MMD: variants seen among roughly 807,000 people sequenced by gnomAD.
The protein encoded by MMD is monocyte to macrophage differentiation associated.
A neutral mutation model predicts 33.6 loss-of-function variants in MMD; 22 were observed. That is an observed-to-expected ratio of 0.66 (90% CI 0.47 to 0.94). The LOEUF is 0.94. MMD is among the 40% of genes least tolerant of loss of function. The pLI, the probability that MMD is intolerant of heterozygous loss-of-function variation, is 0.00. For missense variants in MMD, 242 were observed against 309.8 expected, an observed-to-expected ratio of 0.78 and a Z score of 1.64; for synonymous variants, 97 against 103.2, an observed-to-expected ratio of 0.94 and a Z score of 0.36.
chr17:55,417,058 G>C (rs551346738), intron 1 of MMD, among the ~76,000 whole-genome samples: 91 of 152,160 alleles, frequency 6.0e-4, no homozygotes, highest in African/African-American at 2.0e-3. Context: ...GAACAGATCA[G>C]AGACCTGGGA....
intron 6 of MMD, among the ~76,000 whole-genome samples, chr17:55,398,945 G>A (rs1012121709): frequency 4.6e-5 from 7 of 152,122 alleles, no homozygotes; most frequent in South Asian, 2.1e-4. Flanking sequence ...GTTTTGGCCC[G>A]TACAACATTC....
At chr17:55,404,296 AG>A (rs1236030331) in intron 4 of MMD, among the ~76,000 whole-genome samples, 1 of 152,108 alleles carries the variant, frequency 6.6e-6, no homozygotes, top group East Asian at 1.9e-4. Flanking sequence ...CAGAGGTTGC[AG>A]TGAGCTGAGA....
chr17:55,394,472 C>A lies in MMD; in HGVS notation c.579G>T (p.Val193=). Reference sequence around the variant, plus strand: ...GAATGATGCCATCACTCTTGAAGAACACAACTCCCAAGCAATAAATTAAGC... The same window carrying A: ...GAATGATGCCATCACTCTTGAAGAAAACAACTCCCAAGCAATAAATTAAGC... ...CGGLIYCLGV[V]FFKSDGIIPF... The change falls in exon 7 of 7, where the codon GTG becomes GTT. Residue 193 remains valine (V), a synonymous_variant. Coordinates refer to ENST00000262065, the MANE Select transcript of MMD (RefSeq NM_012329.3). 1 of 1,545,588 alleles carries A rather than the reference C, an allele frequency of 6.5e-7. No individual in the cohort carries two copies. Among genetic ancestry groups the A allele is most frequent in the Non-Finnish European group, 8.7e-7 (1 of 1,150,292 alleles).
chr17:55,414,486 A>C (rs1377191243), intron 1 of MMD, among the ~76,000 whole-genome samples: 1 of 151,372 alleles, frequency 6.6e-6, no homozygotes, highest in Non-Finnish European at 1.5e-5. Flanking sequence ...CATAACCAAA[A>C]GCAAACTTCT....
chr17:55,414,104 C>A (rs768607520), intron 2 of MMD, 47 bp downstream of exon 2: 22 of 1,583,504 alleles, frequency 1.4e-5, no homozygotes, highest in Non-Finnish European at 1.6e-5. Flanking sequence ...CTTCCTCCCA[C>A]CAAAGCCCCG....
intron 1 of MMD, among the ~76,000 whole-genome samples, chr17:55,417,874 C>T (rs777827468): frequency 2.0e-5 from 3 of 152,136 alleles, no homozygotes; most frequent in Non-Finnish European, 4.4e-5. Flanking sequence ...TCTGGCTTCC[C>T]AAAGTGCTTA....
At chr17:55,412,444 T>C (rs1467491039) in intron 2 of MMD, among the ~76,000 whole-genome samples, 2 of 152,206 alleles carry the variant, frequency 1.3e-5, no homozygotes, top group African/African-American at 4.8e-5. Context: ...TATTTCATAG[T>C]CCACATGGTC....
Position 55,412,752 on chromosome 17 carries a change from T to C in MMD, c.109-1335A>G, listed in dbSNP as rs553155884. ...CAATTGCATCTCCTCCGGGAAGCAA[T>C]GGCCACTGTAGGGGTGAGAGTCTAT... On this transcript the variant is annotated intron_variant, in intron 2 of 6. Coordinates refer to ENST00000262065, the MANE Select transcript of MMD (RefSeq NM_012329.3). Among the ~76,000 whole-genome samples, 31 of 152,324 alleles carry C rather than the reference T, an allele frequency of 2.0e-4. 1 individual carries two copies. In the South Asian group the frequency reaches 6.4e-3, roughly 32 times the overall value.
Position 55,407,825 on chromosome 17 carries a change from C to T in MMD, c.270-5G>A, listed in dbSNP as rs2286806. On this transcript the variant is annotated splice_polypyrimidine_tract_variant and splice_region_variant and intron_variant, in intron 3 of 6. Coordinates refer to ENST00000262065, the MANE Select transcript of MMD (RefSeq NM_012329.3). ...TGAAAACAATGCTCCACTGTCCTAGCGAGGGGGAAAAAAAAGTAAATTTGT... is the reference window on the plus strand; with the variant it reads ...TGAAAACAATGCTCCACTGTCCTAGTGAGGGGGAAAAAAAAGTAAATTTGT... 827,927 of 1,565,672 alleles carry T rather than the reference C, an allele frequency of 0.53. 221,706 individuals are homozygous for T. Among genetic ancestry groups the T allele is most frequent in the Admixed American group, 0.64 (31,349 of 48,784 alleles).
In MMD at chr17:55,411,348, T is replaced by C. The variant is rs1907753922; in HGVS notation, c.178A>G (p.Ile60Val). 1.2e-6 allele frequency: 2 copies of C among 1,613,954 alleles called. No homozygotes were observed. Among genetic ancestry groups the C allele is most frequent in the Non-Finnish European group, 1.7e-6 (2 of 1,179,958 alleles). The change falls in exon 3 of 7, where the codon ATA becomes GTA. Residue 60 changes from isoleucine to valine, a missense_variant. Physicochemically the swap from Ile to Val is conservative, Grantham distance 29. Transcript: ENST00000262065. ...CCCATTCCATAAATCCATGCTGTTA[T>C]CTTTTCCCAGCAGTCATCAGACAGC... ...HRLSDDCWEK[I>V]TAWIYGMGLC...
chr17:55,409,330 A>G (rs1395092234), intron 3 of MMD, among the ~76,000 whole-genome samples: 2 of 152,126 alleles, frequency 1.3e-5, no homozygotes, highest in Admixed American at 6.6e-5. Flanking sequence ...AAGTTTTTAA[A>G]ACTCCTTGGA....
chr17:55,417,532 T>G (rs1191813008), intron 1 of MMD, among the ~76,000 whole-genome samples: 1 of 152,162 alleles, frequency 6.6e-6, no homozygotes, highest in Non-Finnish European at 1.5e-5. Context: ...GGCTCACACC[T>G]GTAATCCCAG....
At chr17:55,396,041 C>CT (rs1222476185) in intron 6 of MMD, among the ~76,000 whole-genome samples, 1 of 151,998 alleles carries the variant, frequency 6.6e-6, no homozygotes, top group Non-Finnish European at 1.5e-5. Flanking sequence ...ACAAAATATC[C>CT]TTTTTTTTCC....
At chr17:55,402,670 C>A (rs1907394292) in intron 5 of MMD, among the ~76,000 whole-genome samples, 1 of 152,092 alleles carries the variant, frequency 6.6e-6, no homozygotes, top group South Asian at 2.1e-4. Flanking sequence ...TTGTTTACAC[C>A]AGAAGGCCGG....
Position 55,401,548 on chromosome 17 carries a change from C to T in MMD, c.447-10G>A, listed in dbSNP as rs1567846816. The T allele has an allele frequency of 1.9e-6, 3 of 1,597,924 alleles. No homozygotes were observed. Among genetic ancestry groups the T allele is most frequent in the Non-Finnish European group, 2.6e-6 (3 of 1,171,784 alleles). On this transcript the variant is annotated splice_polypyrimidine_tract_variant and intron_variant, in intron 5 of 6. Transcript: ENST00000262065. ...TTCAACCACCTTATATCTGCAGGAA[C>T]AAAAATGCAGTTAATTTAACTTATA...
chr17:55,404,016 G>A, intron 4 of MMD, 148 bp from the exon 5 acceptor site: 1 of 614,778 alleles, frequency 1.6e-6, no homozygotes, highest in East Asian at 3.1e-5. Flanking sequence ...GGCAATTTAG[G>A]TAAAATTAAG....
Position 55,401,077 on chromosome 17 carries a change from G to A in MMD, c.516+392C>T, listed in dbSNP as rs538905114. 1.1e-4 allele frequency among the ~76,000 whole-genome samples: 16 copies of A among 152,298 alleles called. No individual in the cohort carries two copies. In the East Asian group the frequency reaches 2.9e-3, roughly 28 times the overall value. On this transcript the variant is annotated intron_variant, in intron 6 of 6. Transcript: ENST00000262065. ...TTCTGATTCAGGAAAGTACCATAAA[G>A]ACAGAAACATACCTGAATTTATAGC...
At chr17:55,405,161 G>T (rs928410790) in intron 4 of MMD, among the ~76,000 whole-genome samples, 2 of 151,370 alleles carry the variant, frequency 1.3e-5, no homozygotes, top group Non-Finnish European at 2.9e-5. Flanking sequence ...TGAGGTCAGG[G>T]GTTGGAGACC....
chr17:55,417,722 G>A (rs371859561), intron 1 of MMD, among the ~76,000 whole-genome samples: 2 of 152,072 alleles, frequency 1.3e-5, no homozygotes, highest in African/African-American at 2.4e-5. Flanking sequence ...CTTGAGCCTC[G>A]GAGGTCAAGG....
Sources: allele counts gnomAD v4.1 joint callset (sites outside exome capture counted in the v4.1 genomes callset), GRCh38; gene constraint gnomAD v4.1.1; transcripts MANE v1.5; gene names NCBI Gene and HGNC (gene_info 2026-07-23, HGNC 2026-07-21).